Variants in DLC1 observed in about 807,000 individuals in gnomAD.
The protein encoded by DLC1 is DLC1 Rho GTPase activating protein.
In DLC1, 54 loss-of-function variants were observed where a neutral mutation model predicts 140.3. The ratio of observed to expected loss-of-function variants is 0.38; its 90% CI spans 0.31 to 0.48. DLC1 has a LOEUF of 0.48. DLC1 is among the 20% of genes least tolerant of loss of function. DLC1 has a pLI of 0.96. For synonymous variants in DLC1, 986 were observed against 728.1 expected (o/e 1.35, Z -5.70); for missense variants, 2,536 against 1,907.0 (o/e 1.33, Z -6.14).
At chr8:13,173,857 T>C (rs1157169614) in intron 5 of DLC1, among the ~76,000 whole-genome samples, 2 of 152,226 alleles carry the variant, frequency 1.3e-5, no homozygotes, top group Non-Finnish European at 2.9e-5. Flanking sequence ...TTTTTTATTT[T>C]TTAAATCTCA....
intron 16 of DLC1, 31 bp from the exon 17 acceptor site, chr8:13,086,494 T>G (rs145159706): frequency 6.9e-6 from 11 of 1,602,238 alleles, no homozygotes; most frequent in African/African-American, 4.0e-5. Context: ...GCAGAAATGA[T>G]GGAATTTCAT....
chr8:13,565,156 T>G (rs1307261315), intron 1 of DLC1, among the ~76,000 whole-genome samples: 1 of 152,202 alleles, frequency 6.6e-6, no homozygotes, highest in Non-Finnish European at 1.5e-5. Context: ...ACGCTGAATA[T>G]TACAAGGAAA....
At chr8:13,107,590 TTCAAA>T (rs1406094481) in intron 7 of DLC1, among the ~76,000 whole-genome samples, 2 of 152,180 alleles carry the variant, frequency 1.3e-5, no homozygotes, top group Admixed American at 1.3e-4. Context: ...AGGGCAAAAT[TTCAAA>T]TAATACTGGA....
chr8:13,314,710 A>T (rs964835628), intron 4 of DLC1, among the ~76,000 whole-genome samples: 1 of 152,224 alleles, frequency 6.6e-6, no homozygotes, highest in African/African-American at 2.4e-5. Flanking sequence ...AACATAAACC[A>T]TTAGATCAGA....
chr8:13,461,490 C>T (rs1799655948), intron 2 of DLC1, among the ~76,000 whole-genome samples: 1 of 152,180 alleles, frequency 6.6e-6, no homozygotes, highest in African/African-American at 2.4e-5. Context: ...AGGTGATAAA[C>T]ACTGTGGAGT....
chr8:13,255,358 A>G (rs1830177268), intron 5 of DLC1, among the ~76,000 whole-genome samples: 2 of 152,192 alleles, frequency 1.3e-5, no homozygotes. Context: ...AATCAGTAAT[A>G]AATGTATAAA....
intron 1 of DLC1, among the ~76,000 whole-genome samples, chr8:13,588,773 G>A (rs946388147): frequency 6.6e-6 from 1 of 152,080 alleles, no homozygotes; most frequent in Non-Finnish European, 1.5e-5. Flanking sequence ...GCATGGTTAA[G>A]TGATATTTAT....
chr8:13,448,646 A>C (rs1798907650), intron 2 of DLC1, among the ~76,000 whole-genome samples: 1 of 152,208 alleles, frequency 6.6e-6, no homozygotes, highest in Non-Finnish European at 1.5e-5. Context: ...GGCGTGAGCC[A>C]CCGCACCCAG....
chr8:13,233,309 A>T (rs1236527887), intron 5 of DLC1, among the ~76,000 whole-genome samples: 1 of 145,578 alleles, frequency 6.9e-6, no homozygotes, highest in Non-Finnish European at 1.5e-5. Flanking sequence ...AAAAAAAAAA[A>T]AAAAAAAAAA....
chr8:13,553,159 G>A (rs1337041669), intron 1 of DLC1, among the ~76,000 whole-genome samples: 30 of 134,768 alleles, frequency 2.2e-4, no homozygotes, highest in Non-Finnish European at 4.3e-4. Context: ...TATCAATAAA[G>A]TAACATTTAT....
At chr8:13,586,705 G>A (rs755141253) in intron 1 of DLC1, among the ~76,000 whole-genome samples, 2 of 151,172 alleles carry the variant, frequency 1.3e-5, no homozygotes, top group East Asian at 2.0e-4. Context: ...GAAAGGCAAC[G>A]TCTTTAAAAA....
chr8:13,406,261 G>A (rs1376598403), intron 2 of DLC1, among the ~76,000 whole-genome samples: 6 of 134,870 alleles, frequency 4.4e-5, no homozygotes, highest in East Asian at 2.2e-4. Context: ...CTCGTGATCC[G>A]CCCACCTCAG....
intron 2 of DLC1, among the ~76,000 whole-genome samples, chr8:13,444,893 C>T (rs758754711): frequency 1.3e-5 from 2 of 152,052 alleles, no homozygotes; most frequent in African/African-American, 2.4e-5. Flanking sequence ...AGTGTTAAAA[C>T]GTTCATGTAT....
intron 2 of DLC1, among the ~76,000 whole-genome samples, chr8:13,409,266 A>T (rs2117288849): frequency 6.6e-6 from 1 of 152,288 alleles, no homozygotes; most frequent in Non-Finnish European, 1.5e-5. Context: ...ACACATATTA[A>T]ACTACAAAAT....
intron 4 of DLC1, among the ~76,000 whole-genome samples, chr8:13,318,029 A>T (rs1832924965): frequency 6.6e-6 from 1 of 151,910 alleles, no homozygotes; most frequent in African/African-American, 2.4e-5. Context: ...AAATTAAATT[A>T]GGTTTATTTA....
At chr8:13,496,081 T>C (rs1024339681) in intron 2 of DLC1, among the ~76,000 whole-genome samples, 2 of 152,192 alleles carry the variant, frequency 1.3e-5, no homozygotes, top group African/African-American at 4.8e-5. Context: ...TTTAAATATA[T>C]AGACAATTAG....
intron 2 of DLC1, among the ~76,000 whole-genome samples, chr8:13,458,099 T>G (rs1218794153): frequency 2.0e-5 from 3 of 152,178 alleles, no homozygotes; most frequent in African/African-American, 7.2e-5. Flanking sequence ...CAGTACGGAA[T>G]CCATTTTATA....
At chr8:13,355,618 A>T (rs1216344805) in intron 4 of DLC1, among the ~76,000 whole-genome samples, 1 of 152,198 alleles carries the variant, frequency 6.6e-6, no homozygotes, top group Non-Finnish European at 1.5e-5. Context: ...ACTTCCTTAC[A>T]GCAAAAACAA....
intron 2 of DLC1, among the ~76,000 whole-genome samples, chr8:13,413,483 T>C (rs1049909411): frequency 1.7e-5 from 2 of 116,436 alleles, no homozygotes; most frequent in African/African-American, 2.9e-5. Flanking sequence ...TATTTCTCTG[T>C]GTGTGTGTGT....
Sources: allele counts gnomAD v4.1 joint callset (sites outside exome capture counted in the v4.1 genomes callset), GRCh38; gene constraint gnomAD v4.1.1; transcripts MANE v1.5; gene names NCBI Gene and HGNC (gene_info 2026-07-23, HGNC 2026-07-21).